RIN3: variants seen among roughly 807,000 people sequenced by gnomAD.
RIN3 encodes Ras and Rab interactor 3, also known as RAB5 interacting protein 3.
Under a neutral mutation model 76.3 loss-of-function variants are expected in RIN3, and 54 were observed. That is an observed-to-expected ratio of 0.71 (90% confidence interval 0.57 to 0.89). RIN3 has a LOEUF of 0.89. Among genes scored for constraint, RIN3 ranks in the 40% least tolerant of loss-of-function variants. The pLI, the probability that RIN3 is intolerant of heterozygous loss-of-function variation, is 0.00. For synonymous variants in RIN3, 576 were observed against 564.0 expected (o/e 1.02, Z -0.30); for missense variants, 1,256 against 1,322.1 (o/e 0.95, Z 0.78).
chr14:92,680,033 A>C (rs993468172), intron 8 of RIN3, among the ~76,000 whole-genome samples: 8 of 152,084 alleles, frequency 5.3e-5, no homozygotes, highest in Admixed American at 5.2e-4. Flanking sequence ...AAACTGGATA[A>C]CTTTGGAACC....
intron 5 of RIN3, among the ~76,000 whole-genome samples, chr14:92,649,831 G>A (rs1369925437): frequency 2.6e-5 from 4 of 152,202 alleles, no homozygotes; most frequent in Admixed American, 2.6e-4. Flanking sequence ...CACTGGCTGT[G>A]ATATTCAGGC....
At chr14:92,526,900 C>T (rs1896747954) in intron 1 of RIN3, among the ~76,000 whole-genome samples, 2 of 152,178 alleles carry the variant, frequency 1.3e-5, no homozygotes, top group African/African-American at 4.8e-5. Context: ...CATTCTCCCT[C>T]CAAAGGCCTT....
At chr14:92,611,765 C>A (rs978301041) in intron 3 of RIN3, among the ~76,000 whole-genome samples, 1 of 152,176 alleles carries the variant, frequency 6.6e-6, no homozygotes, top group Admixed American at 6.5e-5. Flanking sequence ...TACTTTACTA[C>A]CCCTGTTGTG....
chr14:92,565,288 C>G (rs41468649), intron 2 of RIN3, among the ~76,000 whole-genome samples: 33,017 of 152,050 alleles, frequency 0.22, 4,073 homozygotes, highest in Middle Eastern at 0.28. Flanking sequence ...GACATTCGTT[C>G]TCAGGGCCAG....
intron 1 of RIN3, among the ~76,000 whole-genome samples, chr14:92,522,676 A>T (rs967536978): frequency 2.0e-5 from 3 of 152,120 alleles, no homozygotes; most frequent in Admixed American, 6.5e-5. Context: ...GGGTTTAGGG[A>T]CCATTTCCTT....
At chr14:92,515,282 C>T (rs1289473038) in intron 1 of RIN3, 6 of 698,164 alleles carry the variant, frequency 8.6e-6, no homozygotes, top group Non-Finnish European at 1.6e-5. Flanking sequence ...CTCACACCCA[C>T]TTGCAAGTAT....
In RIN3 at chr14:92,643,823, G is replaced by C. The variant is rs1009803420; in HGVS notation, c.532+2494G>C. On this transcript the variant is annotated intron_variant, in intron 5 of 9. Transcript: ENST00000216487. The surrounding 1 kb of genome is among the most constrained non-coding windows in gnomAD (Gnocchi z 4.8). ...TGTGCCTGTAATCCCAGCTACTCCGGAGGCTGAGGCAGGAGAATTGCTTGA... is the reference window on the plus strand; with the variant it reads ...TGTGCCTGTAATCCCAGCTACTCCGCAGGCTGAGGCAGGAGAATTGCTTGA... 6.6e-6 allele frequency among the ~76,000 whole-genome samples: 1 copy of C among 152,162 alleles called. No homozygotes were observed. Among genetic ancestry groups the C allele is most frequent in the African/African-American group, 2.4e-5 (1 of 41,428 alleles).
At chr14:92,563,576 C>T (rs1290596207) in intron 2 of RIN3, among the ~76,000 whole-genome samples, 1 of 152,124 alleles carries the variant, frequency 6.6e-6, no homozygotes, top group Non-Finnish European at 1.5e-5. Context: ...AGTCATATGG[C>T]TACCAAGTTG....
chr14:92,631,221 GC>G (rs1886566141), intron 4 of RIN3, among the ~76,000 whole-genome samples: 1 of 152,158 alleles, frequency 6.6e-6, no homozygotes, highest in Non-Finnish European at 1.5e-5. Flanking sequence ...AGCACTTGGG[GC>G]CCGGGGGGCT....
intron 1 of RIN3, among the ~76,000 whole-genome samples, chr14:92,550,364 A>G (rs1025062774): frequency 2.6e-5 from 4 of 152,194 alleles, no homozygotes; most frequent in Non-Finnish European, 5.9e-5. Flanking sequence ...CCTCTTAAAT[A>G]AAGACAATTA....
intron 3 of RIN3, among the ~76,000 whole-genome samples, chr14:92,588,091 C>T (rs76657188): frequency 0.012 from 1,759 of 152,160 alleles, 15 homozygotes; most frequent in Non-Finnish European, 0.019. Flanking sequence ...TTAATCCCAT[C>T]CACGAGGGAG....
intron 4 of RIN3, among the ~76,000 whole-genome samples, chr14:92,639,340 G>A (rs8017960): frequency 0.038 from 5,804 of 152,300 alleles, 381 homozygotes; most frequent in African/African-American, 0.13. Flanking sequence ...GAAGGTGGAC[G>A]AAGTGTGAGC....
At chr14:92,585,726 G>A (rs28706858) in intron 3 of RIN3, among the ~76,000 whole-genome samples, 47,029 of 151,972 alleles carry the variant, frequency 0.31, 8,502 homozygotes, top group Non-Finnish European at 0.41. Flanking sequence ...AACCTCCTGG[G>A]CTCAAGCGAT....
intron 4 of RIN3, among the ~76,000 whole-genome samples, chr14:92,637,383 C>A (rs912321218): frequency 9.9e-5 from 15 of 152,064 alleles, no homozygotes. Flanking sequence ...TGACAGGAGG[C>A]GGAGCTCAGG....
intron 4 of RIN3, among the ~76,000 whole-genome samples, chr14:92,621,408 A>G (rs1886178426): frequency 6.6e-6 from 1 of 152,114 alleles, no homozygotes; most frequent in Admixed American, 6.6e-5. Context: ...TCCTGAGAAC[A>G]TGTGCCCAAG....
chr14:92,649,972 A>G (rs1595482791), intron 5 of RIN3, among the ~76,000 whole-genome samples: 1 of 152,100 alleles, frequency 6.6e-6, no homozygotes, highest in East Asian at 1.9e-4. Context: ...GCACCTGCTT[A>G]CCCTGATTGC....
intron 3 of RIN3, among the ~76,000 whole-genome samples, chr14:92,611,118 G>A (rs1021367969): frequency 2.6e-5 from 4 of 152,110 alleles, no homozygotes; most frequent in African/African-American, 9.7e-5. Context: ...GACAGGCTTG[G>A]TTCCTTCTGG....
intron 1 of RIN3, 48 bp from the exon 2 acceptor site, chr14:92,555,700 CCTT>C: frequency 1.3e-6 from 2 of 1,582,784 alleles, no homozygotes; most frequent in East Asian, 2.2e-5. Context: ...GTGTTATAAA[CCTT>C]CTCTGGGCTG....
chr14:92,573,408 A>G (rs1422491266), intron 2 of RIN3, among the ~76,000 whole-genome samples: 4 of 152,124 alleles, frequency 2.6e-5, no homozygotes, highest in African/African-American at 9.7e-5. Flanking sequence ...GAAAGTCCAG[A>G]GGTTTTATTT....
Sources: allele counts gnomAD v4.1 joint callset (sites outside exome capture counted in the v4.1 genomes callset), GRCh38; gene constraint gnomAD v4.1.1; non-coding constraint Gnocchi (gnomAD v3.1); transcripts MANE v1.5; gene names NCBI Gene and HGNC (gene_info 2026-07-23, HGNC 2026-07-21).